DLG2: variants seen among roughly 807,000 people sequenced by gnomAD.
DLG2 encodes discs large MAGUK scaffold protein 2, also known as disks large homolog 2.
DLG2 carries 45 observed loss-of-function variants against 132.5 expected under a neutral mutation model. The observed-to-expected ratio is 0.34, with a 90% CI of 0.27 to 0.44. The LOEUF (loss-of-function observed/expected upper bound fraction) is 0.44. Ranked by LOEUF, DLG2 falls within the 20% of genes least tolerant of loss-of-function variation. The pLI is 1.00. For missense variants in DLG2, 1,045 were observed against 1,196.9 expected (o/e 0.87, Z 1.87); for synonymous variants, 424 against 419.6 (o/e 1.01, Z -0.13).
At chr11:84,207,249 C>T (rs911675580) in intron 8 of DLG2, among the ~76,000 whole-genome samples, 9 of 151,744 alleles carry the variant, frequency 5.9e-5, no homozygotes, top group Non-Finnish European at 1.3e-4. Context: ...CAATGAAATG[C>T]CAATGAATAT....
intron 6 of DLG2, among the ~76,000 whole-genome samples, chr11:84,788,123 A>G (rs78805485): frequency 4.7e-5 from 7 of 149,990 alleles, no homozygotes; most frequent in South Asian, 2.1e-4. Context: ...AAAAAAAAAA[A>G]AAGAAGAAGA....
At chr11:84,162,952 A>C (rs2095579689) in intron 9 of DLG2, among the ~76,000 whole-genome samples, 1 of 152,020 alleles carries the variant, frequency 6.6e-6, no homozygotes, top group African/African-American at 2.4e-5. Flanking sequence ...CAGTTTCCTT[A>C]ATTTGTCAAA....
At chr11:84,519,688 T>C (rs1224631475) in intron 7 of DLG2, among the ~76,000 whole-genome samples, 1 of 152,130 alleles carries the variant, frequency 6.6e-6, no homozygotes. Flanking sequence ...CCTCCTATTT[T>C]TTCCAAAATT....
chr11:85,394,540 A>G (rs1018493158), intron 3 of DLG2, among the ~76,000 whole-genome samples: 5 of 152,214 alleles, frequency 3.3e-5, no homozygotes, highest in Non-Finnish European at 5.9e-5. Flanking sequence ...ATGTGTAAAC[A>G]TCTCTGATTT....
intron 4 of DLG2, among the ~76,000 whole-genome samples, chr11:85,171,364 C>A (rs186197588): frequency 6.6e-6 from 1 of 152,150 alleles, no homozygotes; most frequent in Non-Finnish European, 1.5e-5. Context: ...GCACCCTCAT[C>A]TGGGAAACCA....
chr11:84,871,453 T>G (rs1026818239), intron 6 of DLG2, among the ~76,000 whole-genome samples: 1 of 152,138 alleles, frequency 6.6e-6, no homozygotes, highest in Non-Finnish European at 1.5e-5. Flanking sequence ...GGACCACTAT[T>G]TGTAACATAG....
At chr11:83,552,471 T>C (rs535577741) in intron 19 of DLG2, among the ~76,000 whole-genome samples, 2 of 152,202 alleles carry the variant, frequency 1.3e-5, no homozygotes, top group African/African-American at 4.8e-5. Flanking sequence ...TCTGGGATTG[T>C]AGAGCTCCTA....
chr11:85,593,803 T>A (rs2079537557), intron 3 of DLG2, among the ~76,000 whole-genome samples: 2 of 152,112 alleles, frequency 1.3e-5, no homozygotes, highest in Non-Finnish European at 2.9e-5. Context: ...TATGTAGGGT[T>A]TTTTTTACTC....
intron 6 of DLG2, among the ~76,000 whole-genome samples, chr11:84,695,094 C>G (rs2058481649): frequency 1.3e-5 from 2 of 151,438 alleles, no homozygotes; most frequent in South Asian, 4.2e-4. Flanking sequence ...AATGGTCCCC[C>G]CTTCTTTGCT....
chr11:84,006,713 T>C (rs1245507454), intron 11 of DLG2, among the ~76,000 whole-genome samples: 2 of 151,626 alleles, frequency 1.3e-5, no homozygotes, highest in Non-Finnish European at 3.0e-5. Context: ...GGTAATATGT[T>C]CTCTTTTTAT....
chr11:83,962,049 G>A (rs76024232), intron 14 of DLG2, among the ~76,000 whole-genome samples: 25 of 151,846 alleles, frequency 1.6e-4, no homozygotes, highest in African/African-American at 4.4e-4. Context: ...TTTCCTCTCC[G>A]GCAGAAAGTC....
At chr11:83,543,460 T>C (rs185460595) in intron 19 of DLG2, among the ~76,000 whole-genome samples, 75 of 152,266 alleles carry the variant, frequency 4.9e-4, no homozygotes, top group Non-Finnish European at 8.5e-4. Flanking sequence ...TGCAGTCTAG[T>C]GTATTACAGT....
At chr11:84,631,195 C>A (rs1056671665) in intron 6 of DLG2, among the ~76,000 whole-genome samples, 2 of 151,892 alleles carry the variant, frequency 1.3e-5, no homozygotes, top group Non-Finnish European at 2.9e-5. Context: ...TATGTGTGCT[C>A]CTTATGGAGC....
Position 85,317,324 on chromosome 11 carries a change from C to T in DLG2, c.41-31959G>A, listed in dbSNP as rs562437635. Among the ~76,000 whole-genome samples the T allele has an allele frequency of 8.5e-4, 129 of 151,682 alleles. 1 individual carries two copies. Among genetic ancestry groups the T allele is most frequent in the African/African-American group, 2.9e-3 (120 of 41,432 alleles). ...AATCCTTTATTCTAACTAAAGCTAC[C>T]GAGAAACTAACATGCCAACTTCTCC... is the stretch of plus-strand genomic sequence containing the variant. On this transcript the variant is annotated intron_variant, in intron 3 of 27. Coordinates refer to ENST00000376104, the MANE Select transcript of DLG2 (RefSeq NM_001142699.3).
chr11:84,423,356 C>T (rs1031055402), intron 7 of DLG2, among the ~76,000 whole-genome samples: 7 of 152,024 alleles, frequency 4.6e-5, no homozygotes, highest in South Asian at 2.1e-4. Context: ...CTTAATAGTT[C>T]GACTTAAATT....
chr11:84,469,374 G>A (rs529958889), intron 7 of DLG2, among the ~76,000 whole-genome samples: 1 of 151,676 alleles, frequency 6.6e-6, no homozygotes, highest in Admixed American at 6.6e-5. Flanking sequence ...ACATTAGGCT[G>A]ATGGCACAGG....
chr11:85,428,811 A>T (rs1240471905), intron 3 of DLG2, among the ~76,000 whole-genome samples: 3 of 152,144 alleles, frequency 2.0e-5, no homozygotes, highest in Non-Finnish European at 4.4e-5. Context: ...GACACAAAAA[A>T]CCCTTCAAAA....
chr11:83,863,031 A>G (rs1220698461), intron 16 of DLG2, among the ~76,000 whole-genome samples: 1 of 152,186 alleles, frequency 6.6e-6, no homozygotes, highest in Non-Finnish European at 1.5e-5. Flanking sequence ...TGTGTGGCAG[A>G]GATATGATCT....
chr11:84,690,981 A>G (rs1203894544), intron 6 of DLG2, among the ~76,000 whole-genome samples: 1 of 151,852 alleles, frequency 6.6e-6, no homozygotes, highest in Non-Finnish European at 1.5e-5. Context: ...ATGGCTCTCT[A>G]CTGTAAGACA....
Sources: allele counts gnomAD v4.1 joint callset (sites outside exome capture counted in the v4.1 genomes callset), GRCh38; gene constraint gnomAD v4.1.1; transcripts MANE v1.5; gene names NCBI Gene and HGNC (gene_info 2026-07-23, HGNC 2026-07-21).